Variants in GLI2 observed in about 807,000 individuals in gnomAD.
GLI2 encodes the protein transcription activator GLI2.
In GLI2, 22 loss-of-function variants were observed where a neutral mutation model predicts 78.9. That is an observed-to-expected ratio of 0.28 (90% CI 0.20 to 0.40). The LOEUF (loss-of-function observed/expected upper bound fraction) is 0.40, where lower values mean the gene tolerates loss of function less well. Among genes scored for constraint, GLI2 ranks in the 10% least tolerant of loss-of-function variants. The probability of loss-of-function intolerance (pLI) is 1.00; values close to 1 mark genes in which losing one functional copy is unlikely to be tolerated. For missense variants in GLI2, 2,097 were observed against 2,213.2 expected (o/e 0.95, Z 1.05); for synonymous variants, 974 against 963.7 (o/e 1.01, Z -0.20).
intron 2 of GLI2, among the ~76,000 whole-genome samples, chr2:120,870,958 A>G (rs1386872159): frequency 6.6e-6 from 1 of 152,238 alleles, no homozygotes; most frequent in African/African-American, 2.4e-5. Context: ...TGGGAAGGCA[A>G]GGAACACTCA....
At chr2:120,777,496 A>T (rs1683716304) in intron 1 of GLI2, among the ~76,000 whole-genome samples, 1 of 151,418 alleles carries the variant, frequency 6.6e-6, no homozygotes, top group Admixed American at 6.6e-5. Flanking sequence ...GTGCCCACAC[A>T]GCCTGGGGAG....
intron 2 of GLI2, among the ~76,000 whole-genome samples, chr2:120,802,714 C>T (rs1684760076): frequency 6.6e-6 from 1 of 152,144 alleles, no homozygotes; most frequent in East Asian, 1.9e-4. Context: ...AGAGCTGGGT[C>T]TGATCTCATG....
intron 3 of GLI2, among the ~76,000 whole-genome samples, chr2:120,933,814 C>T (rs1230549830): frequency 6.6e-6 from 1 of 151,774 alleles, no homozygotes; most frequent in Non-Finnish European, 1.5e-5. Flanking sequence ...CCTTCAGCTC[C>T]CTATGTTGCT....
Position 120,927,466 on chromosome 2 carries a change from G to A in GLI2, c.254G>A (p.Gly85Glu). The part of the protein sequence containing the change: ...YEPHSVHGVH[G>E]PPALSGSPVI... ...CCTCATTCTGTCCACGGTGTGCACG[G>A]GTAAGTCCTGCCCTCTGCCTGCTGC... Residue 85 changes from glycine to glutamate, a missense_variant and splice_region_variant, in exon 3 of 14, where the codon GGG (glycine) becomes GAG (glutamate). Physicochemically the swap from Gly to Glu is moderately conservative, Grantham distance 98. This residue lies in a region of GLI2 where 578 missense variants were observed against 612.0 expected (regional missense o/e 0.94). Coordinates refer to ENST00000361492, the MANE Select transcript of GLI2 (RefSeq NM_001374353.1). 1 of 1,600,502 alleles carries A rather than the reference G, an allele frequency of 6.2e-7. No individual in the cohort carries two copies. The highest frequency in any genetic ancestry group is 8.6e-7 in the Non-Finnish European group (1 of 1,167,614).
intron 3 of GLI2, among the ~76,000 whole-genome samples, chr2:120,933,345 G>A (rs1296255110): frequency 3.3e-5 from 5 of 152,186 alleles, no homozygotes; most frequent in East Asian, 1.9e-4. Context: ...CCACCCACCC[G>A]TGGACTCCTG....
intron 4 of GLI2, among the ~76,000 whole-genome samples, chr2:120,952,030 A>G (rs1681021647): frequency 6.6e-6 from 1 of 152,242 alleles, no homozygotes; most frequent in Non-Finnish European, 1.5e-5. Context: ...CACATGGTAC[A>G]AATATGTCTT....
intron 2 of GLI2, among the ~76,000 whole-genome samples, chr2:120,860,034 C>G (rs1416225466): frequency 1.3e-5 from 2 of 152,202 alleles, no homozygotes; most frequent in Non-Finnish European, 2.9e-5. Flanking sequence ...TGTAGAAACA[C>G]AAGCCTTGCC....
intron 2 of GLI2, among the ~76,000 whole-genome samples, chr2:120,869,183 G>C (rs1176750323): frequency 6.6e-6 from 1 of 152,170 alleles, no homozygotes; most frequent in Admixed American, 6.5e-5. Context: ...GTGGGGACAG[G>C]GAGGGGAGAG....
intron 2 of GLI2, among the ~76,000 whole-genome samples, chr2:120,834,040 G>A (rs1686489573): frequency 6.6e-6 from 1 of 152,092 alleles, no homozygotes; most frequent in South Asian, 2.1e-4. Flanking sequence ...CAGCTCTGGG[G>A]GTGCTCAGTC....
chr2:120,936,831 TC>T (rs1420684472), intron 3 of GLI2, among the ~76,000 whole-genome samples: 1 of 152,156 alleles, frequency 6.6e-6, no homozygotes, highest in Non-Finnish European at 1.5e-5. Context: ...ATTTATTGTA[TC>T]CCAAGTGCTG....
At chr2:120,921,322 G>A (rs7592635) in intron 2 of GLI2, among the ~76,000 whole-genome samples, 57 of 152,152 alleles carry the variant, frequency 3.7e-4, no homozygotes, top group African/African-American at 1.3e-3. Flanking sequence ...TTGGGGCTGG[G>A]GCTGGGGCTG....
At chr2:120,762,970 G>C (rs1246525596) in intron 1 of GLI2, among the ~76,000 whole-genome samples, 2 of 152,238 alleles carry the variant, frequency 1.3e-5, no homozygotes, top group African/African-American at 4.8e-5. Context: ...CCAAGGTTAG[G>C]GGTTGGCAGG....
At chr2:120,747,264 G>A (rs1042606898) in intron 1 of GLI2, among the ~76,000 whole-genome samples, 3 of 152,218 alleles carry the variant, frequency 2.0e-5, no homozygotes, top group East Asian at 3.8e-4. Flanking sequence ...ACAAATCAAT[G>A]TAAGACAATT....
chr2:120,753,084 T>G (rs1298993540), intron 1 of GLI2, among the ~76,000 whole-genome samples: 1 of 150,394 alleles, frequency 6.6e-6, no homozygotes, highest in Non-Finnish European at 1.5e-5. Context: ...GTTTTTTTTT[T>G]CTGTACGTAT....
Position 120,978,417 on chromosome 2 carries a change from G to T in GLI2, c.1318-17G>T, listed in dbSNP as rs1311456433. Reference sequence around the variant, plus strand: ...TCTGGCCCTGCTTACCCTCTTCTGGGCATGTCCCTCCGGCAGCACATCAAC... The same window carrying T: ...TCTGGCCCTGCTTACCCTCTTCTGGTCATGTCCCTCCGGCAGCACATCAAC... On this transcript the variant is annotated splice_polypyrimidine_tract_variant and intron_variant, in intron 9 of 13. Transcript: ENST00000361492. 1 of 1,614,080 alleles carries T rather than the reference G, an allele frequency of 6.2e-7. No individual in the cohort carries two copies. Among genetic ancestry groups the T allele is most frequent in the South Asian group, 1.1e-5 (1 of 91,088 alleles).
chr2:120,802,979 C>A (rs182579394), intron 2 of GLI2, among the ~76,000 whole-genome samples: 1 of 152,342 alleles, frequency 6.6e-6, no homozygotes, highest in Non-Finnish European at 1.5e-5. Flanking sequence ...TTACACAAAC[C>A]CTCTTGGTGA....
intron 10 of GLI2, among the ~76,000 whole-genome samples, chr2:120,981,097 TC>T (rs1348788588): frequency 1.3e-5 from 2 of 152,152 alleles, no homozygotes; most frequent in African/African-American, 4.8e-5. Context: ...GCCAGGCTGG[TC>T]TTGAACTCCT....
intron 2 of GLI2, among the ~76,000 whole-genome samples, chr2:120,833,199 T>C (rs1686448016): frequency 6.6e-6 from 1 of 151,878 alleles, no homozygotes; most frequent in Non-Finnish European, 1.5e-5. Context: ...CCTCGGCTTG[T>C]GCCTAAGGCC....
At chr2:120,955,153 CTTTTTTTT>C (rs869202442) in intron 4 of GLI2, 84 bp from the exon 5 acceptor site, 29 of 146,242 alleles carry the variant, frequency 2.0e-4, no homozygotes, top group African/African-American at 5.7e-4. Context: ...TTCTCTCTGC[CTTTTTTTT>C]TTTTTTTTTT....
Sources: allele counts gnomAD v4.1 joint callset (sites outside exome capture counted in the v4.1 genomes callset), GRCh38; gene constraint gnomAD v4.1.1; regional missense constraint gnomAD v4.1.1; transcripts MANE v1.5; gene names NCBI Gene and HGNC (gene_info 2026-07-23, HGNC 2026-07-21).